Variants in NRXN1 observed in about 807,000 individuals in gnomAD.
NRXN1 encodes neurexin-1.
Under a neutral mutation model 150.9 loss-of-function variants are expected in NRXN1, and 39 were observed. The observed-to-expected ratio is 0.26, with a 90% CI of 0.20 to 0.34. The LOEUF is 0.34. Ranked by LOEUF, NRXN1 falls within the 10% of genes least tolerant of loss-of-function variation. The pLI, the probability that NRXN1 is intolerant of heterozygous loss-of-function variation, is 1.00. For synonymous variants in NRXN1, 924 were observed against 757.0 expected, an observed-to-expected ratio of 1.22 and a Z score of -3.62; for missense variants, 1,815 against 1,949.9, an observed-to-expected ratio of 0.93 and a Z score of 1.30.
chr2:49,922,289 A>G, intron 22 of NRXN1, 38 bp from the exon 23 acceptor site: 1 of 1,572,898 alleles, frequency 6.4e-7, no homozygotes, highest in East Asian at 2.3e-5. Context: ...CAAAGTGATC[A>G]TTGAGTTCAC....
intron 18 of NRXN1, among the ~76,000 whole-genome samples, chr2:50,144,371 C>G (rs978984941): frequency 1.3e-5 from 2 of 151,804 alleles, no homozygotes; most frequent in African/African-American, 4.8e-5. Flanking sequence ...CAGGTTGATA[C>G]TCACAGCCCC....
At chr2:50,304,087 T>C (rs2074401263) in intron 17 of NRXN1, among the ~76,000 whole-genome samples, 1 of 152,102 alleles carries the variant, frequency 6.6e-6, no homozygotes. Context: ...CATAGATCGA[T>C]GAAGATGCAG....
At chr2:50,649,247 C>CACAT (rs1196102257) in intron 5 of NRXN1, among the ~76,000 whole-genome samples, 1 of 98,054 alleles carries the variant, frequency 1.0e-5, no homozygotes, top group East Asian at 3.0e-4. Flanking sequence ...CATGTATACA[C>CACAT]ACATACACAC....
rs182047346 is a variant in NRXN1 at position 50,097,357 on chromosome 2, G to A, written c.3547-5863C>T. 2.8e-3 allele frequency among the ~76,000 whole-genome samples: 428 copies of A among 152,262 alleles called. 1 individual carries two copies. The highest frequency in any genetic ancestry group is 9.6e-3 in the African/African-American group (398 of 41,556). On this transcript the variant is annotated intron_variant, in intron 18 of 22. Coordinates refer to ENST00000401669, the MANE Select transcript of NRXN1 (RefSeq NM_001330078.2). The stretch of plus-strand genomic sequence containing the variant: ...CCCACTTTGGACAGAACTCAACAAT[G>A]TCTTTAAATGCTCTCTCTATGCTTG...
chr2:50,053,171 T>G (rs145384882), intron 21 of NRXN1, 100 bp downstream of exon 21: 3 of 1,221,008 alleles, frequency 2.5e-6, no homozygotes, highest in Non-Finnish European at 3.6e-6. Context: ...GTGCCTAAGA[T>G]CAGAAAAATG....
chr2:49,986,762 C>G (rs1020603661), intron 21 of NRXN1, among the ~76,000 whole-genome samples: 6 of 152,260 alleles, frequency 3.9e-5, no homozygotes, highest in Middle Eastern at 6.8e-3. Context: ...TCTCTTCTAG[C>G]TTTTTGAAAA....
intron 18 of NRXN1, among the ~76,000 whole-genome samples, chr2:50,176,187 T>C (rs547761405): frequency 2.9e-4 from 44 of 152,204 alleles, no homozygotes; most frequent in Admixed American, 6.5e-4. Context: ...AACCTTGATA[T>C]ATGTTTTTCA....
chr2:49,930,338 G>C (rs1407646212), intron 22 of NRXN1, among the ~76,000 whole-genome samples: 1 of 152,152 alleles, frequency 6.6e-6, no homozygotes, highest in Non-Finnish European at 1.5e-5. Context: ...GGAAATATCT[G>C]TAGTACATAT....
intron 2 of NRXN1, among the ~76,000 whole-genome samples, chr2:50,963,240 T>TA (rs1234559363): frequency 6.6e-6 from 1 of 151,492 alleles, no homozygotes; most frequent in Non-Finnish European, 1.5e-5. Context: ...GTTCTGATGT[T>TA]AAAAAACAAA....
intron 18 of NRXN1, among the ~76,000 whole-genome samples, chr2:50,175,888 T>G (rs1026430091): frequency 6.6e-6 from 1 of 152,156 alleles, no homozygotes; most frequent in South Asian, 2.1e-4. Context: ...ATTCTGCACA[T>G]TTTCTTCTCC....
intron 17 of NRXN1, among the ~76,000 whole-genome samples, chr2:50,432,789 G>C (rs1205072609): frequency 6.6e-6 from 1 of 151,964 alleles, no homozygotes; most frequent in East Asian, 1.9e-4. Flanking sequence ...TATTCTCTTT[G>C]TACAAAATTC....
rs532635662 is a variant in NRXN1 at position 50,501,382 on chromosome 2, T to C, written c.2498-3668A>G. On this transcript the variant is annotated intron_variant, in intron 13 of 22. Coordinates refer to ENST00000401669, the MANE Select transcript of NRXN1 (RefSeq NM_001330078.2). ...TGAAGCAGGGGTTAACCATGACTCG[T>C]GTATGTGTGTGTGTGTGAGTGTGTG... Among the ~76,000 whole-genome samples, 205 of 125,418 alleles carry C rather than the reference T, an allele frequency of 1.6e-3. 1 individual carries two copies. Among genetic ancestry groups the C allele is most frequent in the African/African-American group, 6.9e-3 (200 of 29,070 alleles). 82.3% of individuals were successfully genotyped at this position (125,418 alleles called of 152,430 possible).
intron 18 of NRXN1, among the ~76,000 whole-genome samples, chr2:50,091,984 C>T (rs984929714): frequency 6.6e-6 from 1 of 152,068 alleles, no homozygotes; most frequent in Non-Finnish European, 1.5e-5. Context: ...GTCCCTTAGT[C>T]AGTATTCACA....
At chr2:50,018,744 G>A (rs983218470) in intron 21 of NRXN1, among the ~76,000 whole-genome samples, 1 of 152,070 alleles carries the variant, frequency 6.6e-6, no homozygotes, top group Non-Finnish European at 1.5e-5. Context: ...AGCAATCTTG[G>A]TATATCATCT....
intron 21 of NRXN1, among the ~76,000 whole-genome samples, chr2:49,979,536 T>A (rs1368668194): frequency 1.3e-5 from 2 of 152,180 alleles, no homozygotes; most frequent in Non-Finnish European, 2.9e-5. Context: ...GAAGTTTTTT[T>A]TAAATGAAAA....
chr2:50,836,877 T>C (rs1314673352), intron 5 of NRXN1, among the ~76,000 whole-genome samples: 2 of 149,338 alleles, frequency 1.3e-5, no homozygotes, highest in Non-Finnish European at 3.0e-5. Flanking sequence ...AATATGACTG[T>C]GGCAGCATCA....
intron 5 of NRXN1, among the ~76,000 whole-genome samples, chr2:50,663,798 T>A (rs1344347462): frequency 6.6e-6 from 1 of 152,026 alleles, no homozygotes; most frequent in Non-Finnish European, 1.5e-5. Flanking sequence ...CACTTATTGA[T>A]TCTACTGCAA....
chr2:50,165,451 C>A (rs1344283401), intron 18 of NRXN1, among the ~76,000 whole-genome samples: 2 of 152,200 alleles, frequency 1.3e-5, no homozygotes. Context: ...CGAGTTCAAG[C>A]GATTCTCTTG....
chr2:50,989,533 A>G (rs568442300), intron 2 of NRXN1, among the ~76,000 whole-genome samples: 3 of 152,106 alleles, frequency 2.0e-5, no homozygotes, highest in East Asian at 3.9e-4. Flanking sequence ...CCAGAATACC[A>G]TAATAATAGA....
Sources: gnomAD v4.1 joint callset for allele counts (sites outside exome capture counted in the v4.1 genomes callset) on GRCh38, gnomAD v4.1.1 for gene constraint, MANE v1.5 for transcripts, NCBI Gene and HGNC (gene_info 2026-07-23, HGNC 2026-07-21) for gene names.